The following SLC9A8 variants were observed in gnomAD, a reference collection of about 807,000 sequenced individuals.
The protein encoded by SLC9A8 is sodium/hydrogen exchanger 8.
A neutral mutation model predicts 66.6 loss-of-function variants in SLC9A8; 48 were observed. The observed-to-expected ratio is 0.72, with a 90% confidence interval of 0.57 to 0.92. The LOEUF is 0.92. Ranked by LOEUF, SLC9A8 falls within the 40% of genes least tolerant of loss-of-function variation. The pLI is 0.00. For missense variants in SLC9A8, 599 were observed against 747.3 expected (o/e 0.80, Z 2.31); for synonymous variants, 274 against 282.6 (o/e 0.97, Z 0.31).
chr20:49,846,717 C>A (rs535709763), intron 5 of SLC9A8, among the ~76,000 whole-genome samples: 2 of 152,156 alleles, frequency 1.3e-5, no homozygotes, highest in African/African-American at 4.8e-5. Context: ...AGTTCAAGAC[C>A]AGTCTGGCCA....
chr20:49,886,970 G>A lies in SLC9A8; in HGVS notation c.1638+72G>A, dbSNP rs1369602922. 17 of 1,521,766 alleles carry A rather than the reference G, an allele frequency of 1.1e-5. No individual in the cohort carries two copies. Among genetic ancestry groups the A allele is most frequent in the Non-Finnish European group, 1.4e-5 (16 of 1,123,632 alleles). 94.3% of individuals were successfully genotyped at this position (1,521,766 alleles called of 1,614,324 possible). A position where few individuals can be genotyped will look rare whatever the true frequency, so the allele number is the denominator to read the frequency against. On this transcript the variant is annotated intron_variant, in intron 15 of 15. Coordinates refer to ENST00000361573, the MANE Select transcript of SLC9A8 (RefSeq NM_015266.3). The surrounding 1 kb of genome is among the most constrained non-coding windows in gnomAD (Gnocchi z 4.8). ...TCCTTCAGGACCTGCGGTGGCCCAG[G>A]GTGGGGTGGAGGAAGAGTGGGGAGG...
At chr20:49,834,185 C>CTCTA (rs1475975068) in intron 3 of SLC9A8, among the ~76,000 whole-genome samples, 24 of 34,542 alleles carry the variant, frequency 6.9e-4, no homozygotes, top group South Asian at 1.0e-3. Flanking sequence ...CTCTCTCTCT[C>CTCTA]TATATATATA....
At chr20:49,813,787 A>C (rs921132784) in intron 1 of SLC9A8, among the ~76,000 whole-genome samples, 2 of 152,332 alleles carry the variant, frequency 1.3e-5, no homozygotes, top group East Asian at 3.9e-4. Flanking sequence ...ATCAGGTTCA[A>C]AAGGCCTGGC....
chr20:49,831,402 A>ACACT (rs1022015358), intron 3 of SLC9A8, among the ~76,000 whole-genome samples: 2 of 142,748 alleles, frequency 1.4e-5, no homozygotes, highest in Non-Finnish European at 3.1e-5. Flanking sequence ...ACACACACAC[A>ACACT]CTCTCTCTCT....
At chr20:49,818,579 C>T (rs759199201) in intron 2 of SLC9A8, among the ~76,000 whole-genome samples, 1 of 151,136 alleles carries the variant, frequency 6.6e-6, no homozygotes, top group Admixed American at 6.6e-5. Context: ...CAACTTCTGC[C>T]TCCCGGGTTC....
chr20:49,869,774 A>T (rs1418450568), intron 10 of SLC9A8, among the ~76,000 whole-genome samples: 2 of 152,008 alleles, frequency 1.3e-5, no homozygotes, highest in Admixed American at 1.3e-4. Flanking sequence ...CAGAGGTTGC[A>T]GTGAGCCGAG....
At chr20:49,860,301 A>T (rs570688554) in intron 8 of SLC9A8, among the ~76,000 whole-genome samples, 6 of 152,274 alleles carry the variant, frequency 3.9e-5, no homozygotes, top group Non-Finnish European at 2.9e-5. Flanking sequence ...AGAAAGTTAG[A>T]TTTCTTTTTT....
At position 49,891,368 on chromosome 20, in the gene SLC9A8, GC is replaced by G. The variant is rs1360159102; in HGVS notation, c.*3435del. The G allele has an allele frequency of 1.3e-5, 2 of 152,048 alleles. No homozygotes were observed. The highest frequency in any genetic ancestry group is 4.8e-5 in the African/African-American group (2 of 41,368). The allele number at this position is 152,048 out of a possible 1,614,324, so 9.4% of individuals were successfully genotyped here. On this transcript the variant is annotated 3_prime_UTR_variant, in exon 16 of 16. Coordinates refer to ENST00000361573, the MANE Select transcript of SLC9A8 (RefSeq NM_015266.3). ...CACAGCCCCGGGTCCTCTGTCTAAC[GC>G]CCTCCATTTCACGCCCTCCATCTCA...
intron 10 of SLC9A8, among the ~76,000 whole-genome samples, chr20:49,870,070 G>A (rs907676242): frequency 6.6e-6 from 1 of 152,166 alleles, no homozygotes; most frequent in African/African-American, 2.4e-5. Context: ...TGTCTGTACT[G>A]CCATGGAAAG....
rs114725540 is a variant in SLC9A8 at position 49,832,676 on chromosome 20, G to A, written c.290-6865G>A. Among the ~76,000 whole-genome samples, 1,072 of 152,222 alleles carry A rather than the reference G, an allele frequency of 7.0e-3. 9 individuals are homozygous for A. The highest frequency in any genetic ancestry group is 0.021 in the African/African-American group (892 of 41,538). On this transcript the variant is annotated intron_variant, in intron 3 of 15. Transcript: ENST00000361573. ...TGCAGAAGACGAGGTGGGAGGGCAGGGAAGATGCCTGTCAGGTTTTTAGCA... is the reference window on the plus strand; with the variant it reads ...TGCAGAAGACGAGGTGGGAGGGCAGAGAAGATGCCTGTCAGGTTTTTAGCA...
At chr20:49,867,377 G>A (rs1345853402) in intron 10 of SLC9A8, among the ~76,000 whole-genome samples, 1 of 152,032 alleles carries the variant, frequency 6.6e-6, no homozygotes, top group Non-Finnish European at 1.5e-5. Flanking sequence ...GTGCAGAGTA[G>A]CAGGGCCCTA....
At chr20:49,822,947 A>G (rs1285674640) in intron 2 of SLC9A8, 114 bp from the exon 3 acceptor site, 1 of 798,110 alleles carries the variant, frequency 1.3e-6, no homozygotes, top group Non-Finnish European at 2.2e-6. Flanking sequence ...GTGTTATTCC[A>G]ATTGTCCATT....
At chr20:49,830,568 C>G in intron 3 of SLC9A8, 1 of 612,786 alleles carries the variant, frequency 1.6e-6, no homozygotes, top group African/African-American at 1.9e-5. Context: ...GTCGGGGGGT[C>G]GCTTTCCAGA....
chr20:49,834,612 G>A (rs918867859), intron 3 of SLC9A8, among the ~76,000 whole-genome samples: 7 of 151,350 alleles, frequency 4.6e-5, no homozygotes, highest in Admixed American at 3.3e-4. Context: ...ATCTCAAGAG[G>A]TAAAGTGGTA....
chr20:49,825,573 C>T (rs544300487), intron 3 of SLC9A8, among the ~76,000 whole-genome samples: 29 of 152,218 alleles, frequency 1.9e-4, no homozygotes, highest in South Asian at 8.3e-4. Context: ...GTCCAGGAGG[C>T]GGAAGTTGCA....
chr20:49,832,911 C>CA (rs2087268665), intron 3 of SLC9A8, among the ~76,000 whole-genome samples: 2 of 144,894 alleles, frequency 1.4e-5, no homozygotes, highest in Admixed American at 6.9e-5. Context: ...AAATCCTTTC[C>CA]TTTTTTTTTT....
At position 49,891,459 on chromosome 20, in the gene SLC9A8, CCAAA is replaced by C. The variant is rs2090041847; in HGVS notation, c.*3526_*3529del. 6.6e-6 allele frequency: 1 copy of C among 152,182 alleles called. No individual in the cohort carries two copies. Among genetic ancestry groups the C allele is most frequent in the African/African-American group, 2.4e-5 (1 of 41,434 alleles). The allele number at this position is 152,182 out of a possible 1,614,324, so 9.4% of individuals were successfully genotyped here. ...CTTCCATTTAGTCTCCTGCCGTTTC[CCAAA>C]CAGTTGTCCAACAGTTAGACATTGA... is the stretch of plus-strand genomic sequence containing the variant. On this transcript the variant is annotated 3_prime_UTR_variant, in exon 16 of 16. Transcript: ENST00000361573.
At position 49,812,942 on chromosome 20, in the gene SLC9A8, A is replaced by G; in HGVS notation, c.20A>G (p.Glu7Gly). Residue 7 changes from glutamate to glycine, a missense_variant, in exon 1 of 16, where the codon GAA (glutamate) becomes GGA (glycine). Glu to Gly is a moderately conservative substitution (Grantham distance 98). Transcript: ENST00000361573. Reference protein sequence around the residue: MGEKMAEEERFPNTTHE... With the variant: MGEKMAGEERFPNTTHE... ...CGCAGGATGGGGGAGAAGATGGCGGAAGAGGAGTGAGTGGGCTTTTTCCCG... is the reference window on the plus strand; with the variant it reads ...CGCAGGATGGGGGAGAAGATGGCGGGAGAGGAGTGAGTGGGCTTTTTCCCG... 2 of 1,458,474 alleles carry G rather than the reference A, an allele frequency of 1.4e-6. No individual in the cohort carries two copies. Among genetic ancestry groups the G allele is most frequent in the Non-Finnish European group, 1.8e-6 (2 of 1,106,732 alleles). The allele number at this position is 1,458,474 out of a possible 1,614,324, so 90.3% of individuals were successfully genotyped here.
chr20:49,877,484 G>A (rs1417495564), intron 11 of SLC9A8, among the ~76,000 whole-genome samples: 1 of 152,130 alleles, frequency 6.6e-6, no homozygotes. Context: ...TTAGCAATGA[G>A]TCTCACTCTG....
Sources: gnomAD v4.1 joint callset for allele counts (sites outside exome capture counted in the v4.1 genomes callset) on GRCh38, gnomAD v4.1.1 for gene constraint, Gnocchi (gnomAD v3.1) non-coding constraint, MANE v1.5 for transcripts, NCBI Gene and HGNC (gene_info 2026-07-23, HGNC 2026-07-21) for gene names.